The following EXOC4 variants were observed in gnomAD, a reference collection of about 807,000 sequenced individuals.
EXOC4 encodes exocyst complex component 4, also known as SEC8-like 1.
In EXOC4, 71 loss-of-function variants were observed where a neutral mutation model predicts 107.2. The observed-to-expected ratio is 0.66, with a 90% CI of 0.55 to 0.81. EXOC4 has a LOEUF of 0.81. Ranked by LOEUF, EXOC4 falls within the 30% of genes least tolerant of loss-of-function variation. The pLI is 0.00. For missense variants in EXOC4, 1,108 were observed against 1,189.6 expected, an observed-to-expected ratio of 0.93 and a Z score of 1.01; for synonymous variants, 456 against 441.2, an observed-to-expected ratio of 1.03 and a Z score of -0.42.
At chr7:133,418,167 T>C (rs1797521954) in intron 7 of EXOC4, among the ~76,000 whole-genome samples, 1 of 152,186 alleles carries the variant, frequency 6.6e-6, no homozygotes, top group Non-Finnish European at 1.5e-5. Context: ...CTTTGTTCCG[T>C]GCTTTACATA....
rs571559073 is a variant in EXOC4, at chr7:133,532,435, A to G, written c.1417+52297A>G. On this transcript the variant is annotated intron_variant, in intron 9 of 17. Coordinates refer to ENST00000253861, the MANE Select transcript of EXOC4 (RefSeq NM_021807.4). ...CACTGTAAACAGGAGCAGAGTAACC[A>G]CACTGATCAAGAGTTGGTGCTTCGT... Among the ~76,000 whole-genome samples, 20 of 152,252 alleles carry G rather than the reference A, an allele frequency of 1.3e-4. No homozygotes were observed. The South Asian group carries it at 3.7e-3, about 28-fold the overall frequency.
chr7:133,270,218 G>A (rs1158388237), intron 1 of EXOC4, among the ~76,000 whole-genome samples: 1 of 152,330 alleles, frequency 6.6e-6, no homozygotes, highest in East Asian at 1.9e-4. Context: ...CCCCAGCCAT[G>A]TGGAATTGTA....
chr7:133,837,071 A>C (rs776137031), intron 11 of EXOC4, among the ~76,000 whole-genome samples: 3 of 152,178 alleles, frequency 2.0e-5, no homozygotes, highest in Admixed American at 1.3e-4. Flanking sequence ...TTCTTTTGGA[A>C]GATAAAAAAG....
intron 11 of EXOC4, among the ~76,000 whole-genome samples, chr7:133,868,226 C>T (rs2116379666): frequency 1.3e-5 from 2 of 152,220 alleles, no homozygotes; most frequent in Middle Eastern, 3.4e-3. Flanking sequence ...TTTGCAAAAC[C>T]TCCAATGTCA....
intron 10 of EXOC4, among the ~76,000 whole-genome samples, chr7:133,748,511 G>A (rs1312426325): frequency 6.6e-6 from 1 of 152,174 alleles, no homozygotes; most frequent in East Asian, 1.9e-4. Context: ...CCCAGGTTTG[G>A]AGATTCACTA....
At chr7:133,474,408 A>G (rs774728307) in intron 7 of EXOC4, among the ~76,000 whole-genome samples, 10 of 151,808 alleles carry the variant, frequency 6.6e-5, no homozygotes, top group Non-Finnish European at 1.2e-4. Flanking sequence ...CTCTGGTTCA[A>G]GTGATTCTTG....
At chr7:133,659,140 T>C (rs552850374) in intron 10 of EXOC4, among the ~76,000 whole-genome samples, 1 of 150,586 alleles carries the variant, frequency 6.6e-6, no homozygotes, top group South Asian at 2.1e-4. Context: ...CATCCATAGG[T>C]AATAGAGACA....
intron 10 of EXOC4, among the ~76,000 whole-genome samples, chr7:133,807,130 G>C (rs1433536015): frequency 6.6e-6 from 1 of 152,192 alleles, no homozygotes; most frequent in Non-Finnish European, 1.5e-5. Flanking sequence ...TGCCGGACTG[G>C]AGTGTGCACA....
intron 7 of EXOC4, among the ~76,000 whole-genome samples, chr7:133,411,400 A>G (rs775736276): frequency 6.6e-5 from 10 of 152,144 alleles, no homozygotes; most frequent in African/African-American, 1.9e-4. Context: ...TCATTTTACT[A>G]TAGTGTAGTC....
At chr7:134,042,054 G>A (rs1182382947) in intron 17 of EXOC4, among the ~76,000 whole-genome samples, 1 of 150,708 alleles carries the variant, frequency 6.6e-6, no homozygotes, top group Non-Finnish European at 1.5e-5. Context: ...AGTCTATCTA[G>A]TCCTCCCAAG....
At chr7:134,013,919 A>T (rs937471027) in intron 17 of EXOC4, among the ~76,000 whole-genome samples, 6 of 152,220 alleles carry the variant, frequency 3.9e-5, no homozygotes, top group Non-Finnish European at 8.8e-5. Context: ...TGGAGAAACT[A>T]GAACCCTCAT....
intron 10 of EXOC4, among the ~76,000 whole-genome samples, chr7:133,686,927 A>G (rs922697147): frequency 3.9e-5 from 6 of 151,920 alleles, no homozygotes; most frequent in Admixed American, 1.3e-4. Flanking sequence ...TAGCAGCACA[A>G]TTCGCAATTG....
chr7:133,309,323 A>G (rs1467251961), intron 4 of EXOC4, among the ~76,000 whole-genome samples: 1 of 152,236 alleles, frequency 6.6e-6, no homozygotes, highest in East Asian at 1.9e-4. Context: ...GCCAGAAGAC[A>G]ATAGAACAAA....
intron 10 of EXOC4, among the ~76,000 whole-genome samples, chr7:133,713,789 G>A (rs765542837): frequency 1.3e-5 from 2 of 152,080 alleles, no homozygotes; most frequent in African/African-American, 2.4e-5. Flanking sequence ...TGTGAAGAAG[G>A]TGCCTTGCTT....
intron 9 of EXOC4, among the ~76,000 whole-genome samples, chr7:133,504,777 T>C (rs1431151325): frequency 5.3e-5 from 8 of 152,126 alleles, no homozygotes; most frequent in Admixed American, 2.6e-4. Flanking sequence ...AACTGTGTTA[T>C]TATTGAGTCT....
At chr7:133,319,511 C>T (rs377600379) in intron 5 of EXOC4, among the ~76,000 whole-genome samples, 13 of 152,098 alleles carry the variant, frequency 8.5e-5, no homozygotes, top group African/African-American at 2.2e-4. Flanking sequence ...TTATTTGAGA[C>T]GGTGTTTCAC....
chr7:133,642,671 C>G (rs1802887245), intron 10 of EXOC4, among the ~76,000 whole-genome samples: 2 of 152,182 alleles, frequency 1.3e-5, no homozygotes, highest in Admixed American at 6.5e-5. Flanking sequence ...TACACTACTT[C>G]CGGAGTGATC....
intron 9 of EXOC4, among the ~76,000 whole-genome samples, chr7:133,525,853 G>C (rs1291192180): frequency 1.3e-5 from 2 of 152,174 alleles, no homozygotes; most frequent in Non-Finnish European, 2.9e-5. Context: ...AATTTCAGTA[G>C]AGGTTAGTGA....
chr7:133,482,924 G>T (rs1316637556), intron 9 of EXOC4, among the ~76,000 whole-genome samples: 1 of 152,038 alleles, frequency 6.6e-6, no homozygotes, highest in Non-Finnish European at 1.5e-5. Flanking sequence ...CGCTCATTTG[G>T]ATGGGCTTCC....
Sources: allele counts gnomAD v4.1 joint callset (sites outside exome capture counted in the v4.1 genomes callset), GRCh38; gene constraint gnomAD v4.1.1; transcripts MANE v1.5; gene names NCBI Gene and HGNC (gene_info 2026-07-23, HGNC 2026-07-21).